CWF19L2: variants seen among roughly 807,000 people sequenced by gnomAD.
CWF19L2 encodes CWF19 like cell cycle control factor 2, also known as CWF19-like protein 2.
CWF19L2 carries 98 observed loss-of-function variants against 111.7 expected under a neutral mutation model. The observed-to-expected ratio is 0.88, with a 90% CI of 0.75 to 1.04. The LOEUF is 1.04. Among genes scored for constraint, CWF19L2 ranks in the 50% least tolerant of loss-of-function variants. The pLI, the probability that CWF19L2 is intolerant of heterozygous loss-of-function variation, is 0.00. For missense variants in CWF19L2, 1,101 were observed against 1,051.4 expected (o/e 1.05, Z -0.65); for synonymous variants, 351 against 342.9 (o/e 1.02, Z -0.26).
At chr11:107,416,129 A>G (rs987697359) in intron 10 of CWF19L2, 80 bp downstream of exon 10, 5 of 358,004 alleles carry the variant, frequency 1.4e-5, no homozygotes, top group Admixed American at 1.0e-4. Context: ...AAAAAATAAA[A>G]TAAAATAAAA....
intron 10 of CWF19L2, among the ~76,000 whole-genome samples, chr11:107,408,565 T>C (rs1861114093): frequency 6.6e-6 from 1 of 152,010 alleles, no homozygotes; most frequent in African/African-American, 2.4e-5. Flanking sequence ...TATTTTTTCT[T>C]AAAATATTTG....
chr11:107,393,574 A>C (rs1860879665), intron 10 of CWF19L2, among the ~76,000 whole-genome samples: 1 of 152,202 alleles, frequency 6.6e-6, no homozygotes, highest in African/African-American at 2.4e-5. Context: ...TCAAAAAGAC[A>C]CCTGCACTTG....
intron 4 of CWF19L2, 120 bp downstream of exon 4, chr11:107,442,793 AGGGAGGGAGGGAGGGAGGGAGGGAGG>A (rs1477883545): frequency 4.1e-6 from 1 of 246,312 alleles, no homozygotes; most frequent in Non-Finnish European, 6.4e-6. Flanking sequence ...GAAGGAAGGA[AGGGAGGGAGGGAGGGAGGGAGGGAGG>A]GGGAGGGAGG....
intron 10 of CWF19L2, 84 bp downstream of exon 10, chr11:107,416,121 AAAAT>A: frequency 3.1e-6 from 1 of 322,160 alleles, no homozygotes; most frequent in Non-Finnish European, 5.4e-6. Context: ...AATAAAATAA[AAAAT>A]AAAATAAAAT....
chr11:107,421,528 G>T (rs1371918808), intron 8 of CWF19L2, among the ~76,000 whole-genome samples: 2 of 151,960 alleles, frequency 1.3e-5, no homozygotes, highest in Admixed American at 1.3e-4. Context: ...CTAGTAGAGA[G>T]GTAACAGCAC....
At chr11:107,405,557 CAA>C (rs551948433) in intron 10 of CWF19L2, among the ~76,000 whole-genome samples, 3,016 of 91,336 alleles carry the variant, frequency 0.033, 41 homozygotes, top group Non-Finnish European at 0.055. Flanking sequence ...GATGAACTAA[CAA>C]AAAAAACAGT....
rs925711721 is a variant in CWF19L2 at position 107,411,781 on chromosome 11, A to G, written c.1617+4428T>C. Among the ~76,000 whole-genome samples, 23 of 152,212 alleles carry G rather than the reference A, an allele frequency of 1.5e-4. No individual in the cohort carries two copies. The Middle Eastern group carries it at 0.01, about 68-fold the overall frequency. ...GATTATCAAAAACACTGGTTTTTCTATTCTAGAATATATGATAATCAAAGT... is the reference window on the plus strand; with the variant it reads ...GATTATCAAAAACACTGGTTTTTCTGTTCTAGAATATATGATAATCAAAGT... On this transcript the variant is annotated intron_variant, in intron 10 of 17. Coordinates refer to ENST00000282251, the MANE Select transcript of CWF19L2 (RefSeq NM_152434.3).
Position 107,336,693 on chromosome 11 carries a change from T to A in CWF19L2, c.2223A>T (p.Val741=). Residue 741 remains valine (V), a synonymous_variant, in exon 15 of 18, where the codon GTA becomes GTT. Transcript: ENST00000282251. ...CTAATCCTTTATCTTCAAACATCTTTACCAATGATTTTCTGAACATCTAAA... is the reference window on the plus strand; with the variant it reads ...CTAATCCTTTATCTTCAAACATCTTAACCAATGATTTTCTGAACATCTAAA... ...EEIQMFRKSL[V]KMFEDKGLDC... The A allele has an allele frequency of 6.7e-7, 1 of 1,493,074 alleles. No individual in the cohort carries two copies. Among genetic ancestry groups the A allele is most frequent in the Non-Finnish European group, 9.0e-7 (1 of 1,111,284 alleles). The allele number at this position is 1,493,074 out of a possible 1,614,324, so 92.5% of individuals were successfully genotyped here. A position where few individuals can be genotyped will look rare whatever the true frequency, so the allele number is the denominator to read the frequency against.
intron 12 of CWF19L2, among the ~76,000 whole-genome samples, chr11:107,388,406 G>A (rs372329930): frequency 2.7e-5 from 4 of 150,812 alleles, no homozygotes; most frequent in Admixed American, 6.6e-5. Context: ...TTTTTGAGAC[G>A]GAGTCTTGCT....
intron 8 of CWF19L2, among the ~76,000 whole-genome samples, chr11:107,423,437 A>AGGGGAC (rs1861329404): frequency 6.6e-6 from 1 of 151,952 alleles, no homozygotes; most frequent in South Asian, 2.1e-4. Context: ...CAGTGCAATT[A>AGGGGAC]TTCCCCTATG....
At chr11:107,445,466 T>A (rs1861688035) in intron 3 of CWF19L2, among the ~76,000 whole-genome samples, 1 of 152,066 alleles carries the variant, frequency 6.6e-6, no homozygotes, top group South Asian at 2.1e-4. Context: ...TAGCCAGATG[T>A]GGTGGCGCAT....
chr11:107,330,447 T>C (rs1210237565), intron 16 of CWF19L2, among the ~76,000 whole-genome samples: 2 of 152,138 alleles, frequency 1.3e-5, no homozygotes, highest in Non-Finnish European at 2.9e-5. Context: ...TCTTTACAGT[T>C]ATATATTTAT....
In CWF19L2 at chr11:107,413,146, C is replaced by T. The variant is rs570658672; in HGVS notation, c.1617+3063G>A. Among the ~76,000 whole-genome samples the T allele has an allele frequency of 3.3e-5, 5 of 152,184 alleles. No individual in the cohort carries two copies. In the South Asian group the frequency reaches 6.2e-4, roughly 19 times the overall value. On this transcript the variant is annotated intron_variant, in intron 10 of 17. Transcript: ENST00000282251. Reference sequence around the variant, plus strand: ...GACTTTGGGTGATACAGTGTGTCAACGCAGGTTCATCAATTGTAACAAATG... The same window carrying T: ...GACTTTGGGTGATACAGTGTGTCAATGCAGGTTCATCAATTGTAACAAATG...
At chr11:107,391,193 T>C (rs1214923365) in intron 11 of CWF19L2, among the ~76,000 whole-genome samples, 1 of 152,164 alleles carries the variant, frequency 6.6e-6, no homozygotes, top group African/African-American at 2.4e-5. Context: ...TACCTTGTCA[T>C]TGTGTGAGCC....
At chr11:107,383,049 G>C (rs772916109) in intron 12 of CWF19L2, among the ~76,000 whole-genome samples, 2 of 152,222 alleles carry the variant, frequency 1.3e-5, no homozygotes, top group Non-Finnish European at 2.9e-5. Context: ...CCCATACCTC[G>C]CCCTACGCGT....
intron 10 of CWF19L2, chr11:107,403,601 G>GGA: frequency 1.3e-6 from 1 of 783,934 alleles, no homozygotes; most frequent in East Asian, 2.5e-5. Context: ...TTCAAGGTGT[G>GGA]TCTTCTCTGT....
Position 107,442,795 on chromosome 11 carries a change from G to GAA in CWF19L2, c.450+143_450+144insTT, listed in dbSNP as rs1330577459. 9.9e-4 allele frequency: 200 copies of GAA among 201,744 alleles called. 17 individuals carry two copies. Among genetic ancestry groups the GAA allele is most frequent in the East Asian group, 7.6e-3 (53 of 6,984 alleles). 12.5% of individuals were successfully genotyped at this position (201,744 alleles called of 1,614,324 possible). A position where few individuals can be genotyped will look rare whatever the true frequency, so the allele number is the denominator to read the frequency against. On this transcript the variant is annotated intron_variant, in intron 4 of 17. Coordinates refer to ENST00000282251, the MANE Select transcript of CWF19L2 (RefSeq NM_152434.3). Reference sequence around the variant, plus strand: ...GGAAGGAAGGAAGGAAGGAAGGAAGGGAGGGAGGGAGGGAGGGAGGGAGGG... The same window carrying GAA: ...GGAAGGAAGGAAGGAAGGAAGGAAGGAAGAGGGAGGGAGGGAGGGAGGGAGGG...
intron 12 of CWF19L2, among the ~76,000 whole-genome samples, chr11:107,386,791 C>T (rs1203299444): frequency 6.6e-6 from 1 of 152,150 alleles, no homozygotes; most frequent in African/African-American, 2.4e-5. Context: ...CGCAGTGGCT[C>T]ATGCCTGTAA....
At chr11:107,444,403 A>T (rs1190944041) in intron 3 of CWF19L2, among the ~76,000 whole-genome samples, 1 of 151,788 alleles carries the variant, frequency 6.6e-6, no homozygotes, top group Admixed American at 6.6e-5. Context: ...TTGATAACTC[A>T]CTTTCCTGGC....
Sources: allele counts gnomAD v4.1 joint callset (sites outside exome capture counted in the v4.1 genomes callset), GRCh38; gene constraint gnomAD v4.1.1; transcripts MANE v1.5; gene names NCBI Gene and HGNC (gene_info 2026-07-23, HGNC 2026-07-21).